RFX2: variants seen among roughly 807,000 people sequenced by gnomAD.
RFX2 encodes regulatory factor X2, also known as DNA-binding protein RFX2.
RFX2 carries 20 observed loss-of-function variants against 87.8 expected under a neutral mutation model. The observed-to-expected ratio is 0.23, with a 90% CI of 0.16 to 0.33. The LOEUF is 0.33. Among genes scored for constraint, RFX2 ranks in the 10% least tolerant of loss-of-function variants. The pLI, the probability that RFX2 is intolerant of heterozygous loss-of-function variation, is 1.00. For synonymous variants in RFX2, 397 were observed against 431.3 expected (o/e 0.92, Z 0.98); for missense variants, 767 against 1,012.3 (o/e 0.76, Z 3.29).
chr19:6,016,295 C>T lies in RFX2; in HGVS notation c.598-24G>A, dbSNP rs767053523. ...AGCTGTAAAAAGAAAGACACGTCTG[C>T]GTTTGTCAGAAGCCTGAGGAACGCT... On this transcript the variant is annotated intron_variant, in intron 6 of 17. Coordinates refer to ENST00000303657, the MANE Select transcript of RFX2 (RefSeq NM_000635.4). The surrounding 1 kb of genome is among the most constrained non-coding windows in gnomAD (Gnocchi z 5.4). 99 of 1,567,322 alleles carry T rather than the reference C, an allele frequency of 6.3e-5. 1 individual carries two copies. The Middle Eastern group carries it at 2.6e-3, about 41-fold the overall frequency.
At chr19:6,077,770 T>C (rs558967423) in intron 1 of RFX2, among the ~76,000 whole-genome samples, 4 of 151,402 alleles carry the variant, frequency 2.6e-5, no homozygotes, top group African/African-American at 9.7e-5. Flanking sequence ...TCACCTGAGG[T>C]CAGGAGTTTG....
intron 5 of RFX2, among the ~76,000 whole-genome samples, chr19:6,035,850 G>GGGGGGGTGTGT (rs1555776252): frequency 7.3e-6 from 1 of 137,166 alleles, no homozygotes; most frequent in African/African-American, 3.0e-5. Flanking sequence ...CTTGGTGGGG[G>GGGGGGGTGTGT]GTGTGTGTGT....
At chr19:6,107,076 A>C (rs148002503) in intron 1 of RFX2, among the ~76,000 whole-genome samples, 3,458 of 151,802 alleles carry the variant, frequency 0.023, 142 homozygotes, top group African/African-American at 0.079. Context: ...TGGGCGGATC[A>C]CATGGTCAGG....
chr19:6,013,012 C>T lies in RFX2; in HGVS notation c.873G>A (p.Arg291=), dbSNP rs779277930. The T allele has an allele frequency of 3.2e-6, 5 of 1,582,402 alleles. No individual in the cohort carries two copies. The South Asian group carries it at 5.7e-5, about 18-fold the overall frequency. Residue 291 remains arginine, a synonymous_variant, in exon 8 of 18, where the codon CGG becomes CGA. Transcript: ENST00000303657. The surrounding 1 kb of genome is among the most constrained non-coding windows in gnomAD (Gnocchi z 4.1). ...LQEDTQYMAM[R]QQPMHQKPRY... Reference sequence around the variant, plus strand: ...TGGGCTTCTGGTGCATGGGCTGCTGCCGCATGGCCATGTACTGCGTGTCCT... The same window carrying T: ...TGGGCTTCTGGTGCATGGGCTGCTGTCGCATGGCCATGTACTGCGTGTCCT...
At position 5,997,037 on chromosome 19, in the gene RFX2, GTCCCACCCAGGAGGGT is replaced by G; in HGVS notation, c.2013+7_2013+22del. ...CCACAGGCCCGGCCAAGCCCCGGCC[GTCCCACCCAGGAGGGT>G]CCTCACCTCTCCCATCACAGCGATC... On this transcript the variant is annotated splice_region_variant and intron_variant, in intron 16 of 17. Coordinates refer to ENST00000303657, the MANE Select transcript of RFX2 (RefSeq NM_000635.4). The surrounding 1 kb of genome is among the most constrained non-coding windows in gnomAD (Gnocchi z 4.2). The G allele has an allele frequency of 6.3e-7, 1 of 1,596,514 alleles. No individual in the cohort carries two copies. Among genetic ancestry groups the G allele is most frequent in the Non-Finnish European group, 8.5e-7 (1 of 1,173,478 alleles).
At chr19:6,070,467 G>A (rs2087591159) in intron 1 of RFX2, among the ~76,000 whole-genome samples, 1 of 151,958 alleles carries the variant, frequency 6.6e-6, no homozygotes, top group Non-Finnish European at 1.5e-5. Context: ...CTGGCTGCTG[G>A]GGGCCTCCAC....
intron 1 of RFX2, among the ~76,000 whole-genome samples, chr19:6,078,868 C>T (rs1233048659): frequency 2.6e-5 from 4 of 152,214 alleles, no homozygotes; most frequent in Non-Finnish European, 5.9e-5. Context: ...CTCCACCTCC[C>T]GGGTTCAAAC....
chr19:6,076,342 T>G (rs2087692391), intron 1 of RFX2, among the ~76,000 whole-genome samples: 1 of 152,108 alleles, frequency 6.6e-6, no homozygotes, highest in South Asian at 2.1e-4. Context: ...AGACTCTGTC[T>G]CAAAATAAAT....
In RFX2 at chr19:6,007,994, T is replaced by TG. The variant is rs1283157056; in HGVS notation, c.1134+111dup. 8.1e-6 allele frequency: 7 copies of TG among 859,876 alleles called. No homozygotes were observed. Among genetic ancestry groups the TG allele is most frequent in the African/African-American group, 1.7e-5 (1 of 59,980 alleles). 53.3% of individuals were successfully genotyped at this position (859,876 alleles called of 1,614,324 possible). ...CTGCTGCTTCAGAGAGGATGCTTGT[T>TG]GGGGGGCTCGGGGCTCCAGCTCCTC... On this transcript the variant is annotated intron_variant, in intron 10 of 17. Transcript: ENST00000303657. This position sits in a 1 kb window ranked among gnomAD's most constrained non-coding sequence, Gnocchi z 8.2.
At position 5,993,832 on chromosome 19, in the gene RFX2, G is replaced by A. The variant is rs1417308294; in HGVS notation, c.*1003C>T. 1 of 152,238 alleles carries A rather than the reference G, an allele frequency of 6.6e-6. No individual in the cohort carries two copies. Among genetic ancestry groups the A allele is most frequent in the African/African-American group, 2.4e-5 (1 of 41,442 alleles). The allele number at this position is 152,238 out of a possible 1,614,324, so 9.4% of individuals were successfully genotyped here. ...GAGGTCCAGGTGGGACTCGCTGGGG[G>A]TGGGGTGCTCCGGGATTAGTTCAGA... On this transcript the variant is annotated 3_prime_UTR_variant, in exon 18 of 18. Coordinates refer to ENST00000303657, the MANE Select transcript of RFX2 (RefSeq NM_000635.4).
chr19:6,062,555 C>G (rs1387065485), intron 1 of RFX2, among the ~76,000 whole-genome samples: 1 of 152,228 alleles, frequency 6.6e-6, no homozygotes, highest in African/African-American at 2.4e-5. Flanking sequence ...CGTGGAGCTT[C>G]CGTCTCTTTT....
At chr19:6,038,328 G>GAAAAA (rs55857624) in intron 5 of RFX2, among the ~76,000 whole-genome samples, 2 of 61,086 alleles carry the variant, frequency 3.3e-5, no homozygotes, top group Non-Finnish European at 5.6e-5. Flanking sequence ...CTCCGTCTCA[G>GAAAAA]AAAAAAAAAA....
At chr19:6,089,257 C>T (rs898639518) in intron 1 of RFX2, among the ~76,000 whole-genome samples, 18 of 152,276 alleles carry the variant, frequency 1.2e-4, no homozygotes, top group African/African-American at 4.3e-4. Flanking sequence ...AATCTGCGTC[C>T]AGCAGGTCAG....
At chr19:6,079,349 T>C (rs541650676) in intron 1 of RFX2, among the ~76,000 whole-genome samples, 9 of 152,280 alleles carry the variant, frequency 5.9e-5, no homozygotes, top group East Asian at 1.9e-4. Flanking sequence ...GCTCCAGCAA[T>C]AAAAGGAACA....
intron 1 of RFX2, among the ~76,000 whole-genome samples, chr19:6,088,851 T>C (rs1194821853): frequency 6.6e-6 from 1 of 152,238 alleles, no homozygotes; most frequent in Non-Finnish European, 1.5e-5. Context: ...AAGCGCTCGC[T>C]GTCAAGATGA....
In RFX2 at chr19:5,994,779, C is replaced by T; in HGVS notation, c.*56G>A. 2 of 1,178,526 alleles carry T rather than the reference C, an allele frequency of 1.7e-6. No individual in the cohort carries two copies. The highest frequency in any genetic ancestry group is 4.3e-4 in the Middle Eastern group (2 of 4,616). The allele number at this position is 1,178,526 out of a possible 1,614,324, so 73.0% of individuals were successfully genotyped here. ...TGGTGGAGCCGGTGAAATCCAGGTT[C>T]CCAGAGTGACCAGGCGGCATCTTTT... is the stretch of plus-strand genomic sequence containing the variant. On this transcript the variant is annotated 3_prime_UTR_variant, in exon 18 of 18. Coordinates refer to ENST00000303657, the MANE Select transcript of RFX2 (RefSeq NM_000635.4).
Position 6,044,238 on chromosome 19 carries a change from C to A in RFX2, c.135G>T (p.Gln45His), listed in dbSNP as rs1382017521. Residue 45 changes from glutamine (Q) to histidine (H), a missense_variant, in exon 3 of 18, where the codon CAG becomes CAT. Gln to His is a conservative substitution (Grantham distance 24). This residue lies in a region of RFX2 where 146 missense variants were observed against 139.2 expected (regional missense o/e 1.05). Coordinates refer to ENST00000303657, the MANE Select transcript of RFX2 (RefSeq NM_000635.4). The surrounding 1 kb of genome is among the most constrained non-coding windows in gnomAD (Gnocchi z 5.3). ...CTCTGGGGAGGGAGATCGGCTGCAT[C>A]TGGGCCCCTTTGGGATTGGAGCTGG... Reference protein sequence around the residue: ...QAASSNPKGAQMQPISLPRVQ... With the variant: ...QAASSNPKGAHMQPISLPRVQ... 6 of 1,578,908 alleles carry A rather than the reference C, an allele frequency of 3.8e-6. No homozygotes were observed. The African/African-American group carries it at 8.1e-5, about 21-fold the overall frequency.
At chr19:6,008,909 A>G (rs1385083809) in intron 9 of RFX2, among the ~76,000 whole-genome samples, 1 of 151,108 alleles carries the variant, frequency 6.6e-6, no homozygotes, top group Non-Finnish European at 1.5e-5. Context: ...CAAACTCCCA[A>G]CCTCAAGTGA....
Position 5,994,408 on chromosome 19 carries a change from A to C in RFX2, c.*427T>G. 1 of 156,548 alleles carries C rather than the reference A, an allele frequency of 6.4e-6. No individual in the cohort carries two copies. The highest frequency in any genetic ancestry group is 1.4e-5 in the Non-Finnish European group (1 of 70,642). The allele number at this position is 156,548 out of a possible 1,614,324, so 9.7% of individuals were successfully genotyped here. Reference sequence around the variant, plus strand: ...AGGAGGGGAGAGGCCGTCCCTTTCTAGTCGGGCTCTGCCAGGTTTTTTTAA... The same window carrying C: ...AGGAGGGGAGAGGCCGTCCCTTTCTCGTCGGGCTCTGCCAGGTTTTTTTAA... On this transcript the variant is annotated 3_prime_UTR_variant, in exon 18 of 18. Transcript: ENST00000303657.
Sources: gnomAD v4.1 joint callset for allele counts (sites outside exome capture counted in the v4.1 genomes callset) on GRCh38, gnomAD v4.1.1 for gene constraint, gnomAD v4.1.1 regional missense constraint, Gnocchi (gnomAD v3.1) non-coding constraint, MANE v1.5 for transcripts, NCBI Gene and HGNC (gene_info 2026-07-23, HGNC 2026-07-21) for gene names.